Variants in LPAR3 observed in about 807,000 individuals in gnomAD.
The protein encoded by LPAR3 is lysophosphatidic acid receptor 3.
LPAR3 carries 7 observed loss-of-function variants against 17.8 expected under a neutral mutation model. The ratio of observed to expected loss-of-function variants is 0.39; its 90% CI spans 0.22 to 0.74. LPAR3 has a LOEUF of 0.74. Among genes scored for constraint, LPAR3 ranks in the 30% least tolerant of loss-of-function variants. LPAR3 has a pLI of 0.40. For missense variants in LPAR3, 391 were observed against 453.4 expected (o/e 0.86, Z 1.25); for synonymous variants, 179 against 179.9 (o/e 0.99, Z 0.04).
chr1:84,851,570 T>C (rs1045408126), intron 2 of LPAR3, among the ~76,000 whole-genome samples: 7 of 152,228 alleles, frequency 4.6e-5, no homozygotes, highest in African/African-American at 1.7e-4. Context: ...ATAAATAGTA[T>C]ACTACAGAAG....
intron 2 of LPAR3, among the ~76,000 whole-genome samples, chr1:84,840,620 A>G (rs960417190): frequency 1.3e-5 from 2 of 152,232 alleles, no homozygotes; most frequent in African/African-American, 4.8e-5. Context: ...ATGTTTCCTC[A>G]GATTTTGAGA....
At chr1:84,853,096 A>C (rs550881987) in intron 2 of LPAR3, among the ~76,000 whole-genome samples, 9 of 35,542 alleles carry the variant, frequency 2.5e-4, no homozygotes, top group Non-Finnish European at 4.0e-4. Flanking sequence ...TCTCTAAATA[A>C]GAAAAGAAAA....
At chr1:84,863,027 T>C (rs548468210) in intron 2 of LPAR3, among the ~76,000 whole-genome samples, 1 of 151,756 alleles carries the variant, frequency 6.6e-6, no homozygotes, top group South Asian at 2.1e-4. Flanking sequence ...CCACATGTCT[T>C]CTTGGTACAG....
chr1:84,870,077 T>A (rs1185760150), intron 1 of LPAR3, among the ~76,000 whole-genome samples: 1 of 152,246 alleles, frequency 6.6e-6, no homozygotes, highest in African/African-American at 2.4e-5. Flanking sequence ...AGCAAGCTTA[T>A]AACAAATGAC....
chr1:84,880,789 G>A (rs1411374195), intron 1 of LPAR3, among the ~76,000 whole-genome samples: 1 of 152,208 alleles, frequency 6.6e-6, no homozygotes, highest in Admixed American at 6.5e-5. Context: ...CCCCCAAGGA[G>A]TACACACTTT....
At chr1:84,870,640 G>A (rs993513143) in intron 1 of LPAR3, among the ~76,000 whole-genome samples, 1 of 152,212 alleles carries the variant, frequency 6.6e-6, no homozygotes, top group South Asian at 2.1e-4. Context: ...GCTGAACTAA[G>A]CATTTTACAT....
intron 2 of LPAR3, among the ~76,000 whole-genome samples, chr1:84,832,666 C>T (rs1390836451): frequency 6.6e-6 from 1 of 152,146 alleles, no homozygotes; most frequent in Non-Finnish European, 1.5e-5. Flanking sequence ...GATCAGGCAC[C>T]ATCCCTTGGT....
At chr1:84,879,116 C>T (rs1165319625) in intron 1 of LPAR3, among the ~76,000 whole-genome samples, 4 of 152,044 alleles carry the variant, frequency 2.6e-5, no homozygotes, top group Non-Finnish European at 5.9e-5. Flanking sequence ...AGCTGCAGAA[C>T]CCCAGGCTCC....
chr1:84,866,981 T>G (rs78363553), intron 1 of LPAR3, among the ~76,000 whole-genome samples: 1,925 of 152,232 alleles, frequency 0.013, 28 homozygotes, highest in South Asian at 0.024. Context: ...AAGACTGAGA[T>G]TTGGAATTGG....
At chr1:84,855,017 C>T (rs1294455620) in intron 2 of LPAR3, among the ~76,000 whole-genome samples, 1 of 152,164 alleles carries the variant, frequency 6.6e-6, no homozygotes, top group Non-Finnish European at 1.5e-5. Context: ...TGAGGGAGAG[C>T]AGGTGGCTGG....
intron 2 of LPAR3, among the ~76,000 whole-genome samples, chr1:84,860,930 G>C (rs1296712381): frequency 6.6e-6 from 1 of 151,638 alleles, no homozygotes; most frequent in Admixed American, 6.6e-5. Context: ...GTAGAGACGG[G>C]GTTTCACCAT....
chr1:84,875,074 A>G (rs1339657229), intron 1 of LPAR3, among the ~76,000 whole-genome samples: 1 of 151,902 alleles, frequency 6.6e-6, no homozygotes, highest in Non-Finnish European at 1.5e-5. Flanking sequence ...TAGTTTTTGT[A>G]TTTTTAGTAG....
At chr1:84,839,242 T>A (rs1659461865) in intron 2 of LPAR3, among the ~76,000 whole-genome samples, 1 of 152,216 alleles carries the variant, frequency 6.6e-6, no homozygotes, top group African/African-American at 2.4e-5. Context: ...CAGTGTTTAT[T>A]ATAAAAGTTA....
chr1:84,836,344 A>AT (rs2102752217), intron 2 of LPAR3, among the ~76,000 whole-genome samples: 1 of 151,480 alleles, frequency 6.6e-6, no homozygotes, highest in Admixed American at 6.6e-5. Flanking sequence ...TCTTTAAAAA[A>AT]AAAAAAAAAA....
chr1:84,852,051 ATTT>A (rs11289460), intron 2 of LPAR3, among the ~76,000 whole-genome samples: 39 of 132,656 alleles, frequency 2.9e-4, no homozygotes, highest in Middle Eastern at 4.1e-3. Flanking sequence ...TTGGTGACTA[ATTT>A]TTTTTTTTTT....
At chr1:84,879,316 C>CTTTTTTTTTTTTTTTTTTT (rs1187756554) in intron 1 of LPAR3, among the ~76,000 whole-genome samples, 9 of 120,604 alleles carry the variant, frequency 7.5e-5, no homozygotes, top group African/African-American at 2.1e-4. Context: ...TTTCTTTTTT[C>CTTTTTTTTTTTTTTTTTTT]TTTTTTTTTT....
At chr1:84,872,202 A>G (rs1660168260) in intron 1 of LPAR3, among the ~76,000 whole-genome samples, 2 of 152,302 alleles carry the variant, frequency 1.3e-5, no homozygotes, top group Admixed American at 1.3e-4. Context: ...AAATGAAGTA[A>G]TGCTTGTGCA....
intron 2 of LPAR3, among the ~76,000 whole-genome samples, chr1:84,848,433 T>G (rs1659634131): frequency 6.6e-6 from 1 of 152,148 alleles, no homozygotes; most frequent in Non-Finnish European, 1.5e-5. Context: ...CAGGAGGCCC[T>G]GTGTGATCCC....
intron 2 of LPAR3, among the ~76,000 whole-genome samples, chr1:84,828,959 A>G (rs962649466): frequency 6.6e-6 from 1 of 152,110 alleles, no homozygotes; most frequent in Non-Finnish European, 1.5e-5. Context: ...AATACTCAGG[A>G]CACAGGTAAA....
Sources: allele counts gnomAD v4.1 joint callset (sites outside exome capture counted in the v4.1 genomes callset), GRCh38; gene constraint gnomAD v4.1.1; transcripts MANE v1.5; gene names NCBI Gene and HGNC (gene_info 2026-07-23, HGNC 2026-07-21).